Variants in RAB11FIP5 observed in about 807,000 individuals in gnomAD.
RAB11FIP5 encodes RAB11 family interacting protein 5, also known as rab11 family-interacting protein 5.
Under a neutral mutation model 85.1 loss-of-function variants are expected in RAB11FIP5, and 48 were observed. The observed-to-expected ratio is 0.56, with a 90% CI of 0.45 to 0.72. The LOEUF is 0.72. RAB11FIP5 is among the 30% of genes least tolerant of loss of function. The pLI is 0.00. For synonymous variants in RAB11FIP5, 729 were observed against 727.3 expected (o/e 1.00, Z -0.04); for missense variants, 1,491 against 1,687.0 (o/e 0.88, Z 2.04).
At chr2:73,100,708 G>T (rs1224438150) in intron 1 of RAB11FIP5, among the ~76,000 whole-genome samples, 1 of 152,088 alleles carries the variant, frequency 6.6e-6, no homozygotes, top group African/African-American at 2.4e-5. Context: ...TTACAGGTCT[G>T]AGCCACCATG....
At chr2:73,087,747 T>C (rs1684116462) in intron 3 of RAB11FIP5, among the ~76,000 whole-genome samples, 1 of 152,156 alleles carries the variant, frequency 6.6e-6, no homozygotes, top group Non-Finnish European at 1.5e-5. Context: ...ACAAATGGAC[T>C]TTCCTGCTTC....
In RAB11FIP5 at chr2:73,089,329, G is replaced by C. The variant is rs777084384; in HGVS notation, c.432-14C>G. On this transcript the variant is annotated splice_polypyrimidine_tract_variant and intron_variant, in intron 1 of 5. Transcript: ENST00000486777. This position sits in a 1 kb window ranked among gnomAD's most constrained non-coding sequence, Gnocchi z 4.6. ...AGCTTGTACCACCTGTGAGAAGAGG[G>C]GAGCAGGCAGAACTCAGTCACGGGC... 3.9e-5 allele frequency: 63 copies of C among 1,611,610 alleles called. No homozygotes were observed. The East Asian group carries it at 1.0e-3, about 26-fold the overall frequency.
chr2:73,080,137 T>C lies in RAB11FIP5; in HGVS notation c.3095A>G (p.Glu1032Gly). The change falls in exon 4 of 6, where the codon GAG (glutamate) becomes GGG (glycine). Residue 1032 changes from glutamate to glycine, a missense_variant. Around this residue, in one of 3 missense-constraint regions of RAB11FIP5, gnomAD observed 1,211 missense variants for 1,338.0 expected, o/e 0.91. Transcript: ENST00000486777. ...TCCTACTGGATCCTGGCCCTGGGCC[T>C]CAGGAGCCTCAGGGCCTTCTCCAAC... ...PEVGEGPEAP[E>G]AQGQDPVGEG... 1 of 1,232,098 alleles carries C rather than the reference T, an allele frequency of 8.1e-7. No homozygotes were observed. The highest frequency in any genetic ancestry group is 1.6e-5 in the African/African-American group (1 of 64,482). The allele number at this position is 1,232,098 out of a possible 1,614,324, so 76.3% of individuals were successfully genotyped here.
rs1683943386 is a variant in RAB11FIP5 at position 73,080,117 on chromosome 2, C to T, written c.3115G>A (p.Val1039Ile). 1.6e-6 allele frequency: 2 copies of T among 1,232,134 alleles called. No individual in the cohort carries two copies. The highest frequency in any genetic ancestry group is 4.1e-5 in the South Asian group (1 of 24,326). 76.3% of individuals were successfully genotyped at this position (1,232,134 alleles called of 1,614,324 possible). A position where few individuals can be genotyped will look rare whatever the true frequency, so the allele number is the denominator to read the frequency against. Residue 1039 changes from valine (V) to isoleucine (I), a missense_variant, in exon 4 of 6, where the codon GTA becomes ATA. By Grantham distance (29) the Val-to-Ile change is conservative (BLOSUM62 3). Transcript: ENST00000486777. ...EAPEAQGQDPVGEGLGSLSAT... is the reference protein window; with the variant it reads ...EAPEAQGQDPIGEGLGSLSAT... The stretch of plus-strand genomic sequence containing the variant: ...GACAAGGACCCAAGCCCCTCTCCTA[C>T]TGGATCCTGGCCCTGGGCCTCAGGA...
intron 1 of RAB11FIP5, among the ~76,000 whole-genome samples, chr2:73,105,513 G>T (rs1684507276): frequency 6.6e-6 from 1 of 151,972 alleles, no homozygotes; most frequent in Non-Finnish European, 1.5e-5. Flanking sequence ...AAAGTGCTGG[G>T]ATTACAGGCA....
chr2:73,087,630 G>A (rs754351488), intron 3 of RAB11FIP5, among the ~76,000 whole-genome samples: 1 of 152,192 alleles, frequency 6.6e-6, no homozygotes, highest in Non-Finnish European at 1.5e-5. Flanking sequence ...TCCAGAGAGG[G>A]GAAGGGAAGT....
intron 1 of RAB11FIP5, among the ~76,000 whole-genome samples, chr2:73,099,017 T>C (rs1684378454): frequency 6.6e-6 from 1 of 152,024 alleles, no homozygotes; most frequent in Admixed American, 6.6e-5. Context: ...TATGTTTCTT[T>C]AGTAAATGCT....
At position 73,075,530 on chromosome 2, in the gene RAB11FIP5, G is replaced by A. The variant is rs138778775; in HGVS notation, c.3966C>T (p.Pro1322=). Residue 1322 remains proline, a synonymous_variant, in exon 6 of 6, where the codon CCC becomes CCT. Coordinates refer to ENST00000486777, the MANE Select transcript of RAB11FIP5 (RefSeq NM_001371272.1). The surrounding 1 kb of genome is among the most constrained non-coding windows in gnomAD (Gnocchi z 4.6). ...SPTLLQIPPG[P]PK Reference sequence around the variant, plus strand: ...GGTAGGGTGAGGAAGGCTATTTGGGGGGGCCCGGGGGGATCTGCAGCAGCG... The same window carrying A: ...GGTAGGGTGAGGAAGGCTATTTGGGAGGGCCCGGGGGGATCTGCAGCAGCG... 176 of 1,614,036 alleles carry A rather than the reference G, an allele frequency of 1.1e-4. 1 individual carries two copies. The African/African-American group carries it at 2.2e-3, about 20-fold the overall frequency.
rs910064512 is a variant in RAB11FIP5, at chr2:73,081,340, G to A, written c.1892C>T (p.Ser631Leu). The A allele has an allele frequency of 2.5e-5, 31 of 1,232,730 alleles. No individual in the cohort carries two copies. Among genetic ancestry groups the A allele is most frequent in the Admixed American group, 4.2e-5 (1 of 23,716 alleles). The allele number at this position is 1,232,730 out of a possible 1,614,324, so 76.4% of individuals were successfully genotyped here. A position where few individuals can be genotyped will look rare whatever the true frequency, so the allele number is the denominator to read the frequency against. Reference sequence around the variant, plus strand: ...GGCCAGGGGGGTGGGGCTGGCCCTCGAGGCACTGGGGAGAGAGGGAGCAGG... The same window carrying A: ...GGCCAGGGGGGTGGGGCTGGCCCTCAAGGCACTGGGGAGAGAGGGAGCAGG... The part of the protein sequence containing the change: ...PSPAPSLPSA[S>L]RASPTPLASP... Residue 631 changes from serine (S) to leucine (L), a missense_variant, in exon 4 of 6, where the codon TCG (serine) becomes TTG (leucine). Physicochemically the swap from Ser to Leu is moderately radical, Grantham distance 145. Transcript: ENST00000486777. The surrounding 1 kb of genome is among the most constrained non-coding windows in gnomAD (Gnocchi z 4.2).
intron 3 of RAB11FIP5, among the ~76,000 whole-genome samples, chr2:73,085,075 T>C (rs1390404613): frequency 2.6e-5 from 4 of 152,214 alleles, no homozygotes; most frequent in African/African-American, 9.6e-5. Flanking sequence ...AGAGCATGGT[T>C]GTGAGGAGCA....
chr2:73,085,270 G>C (rs1684069806), intron 3 of RAB11FIP5, among the ~76,000 whole-genome samples: 1 of 152,192 alleles, frequency 6.6e-6, no homozygotes, highest in Admixed American at 6.5e-5. Context: ...GAGACTGCCA[G>C]AGGCCACCAT....
At chr2:73,094,492 C>T (rs1453202769) in intron 1 of RAB11FIP5, among the ~76,000 whole-genome samples, 1 of 152,202 alleles carries the variant, frequency 6.6e-6, no homozygotes, top group African/African-American at 2.4e-5. Flanking sequence ...GATTTATATA[C>T]AGATATAAAT....
At chr2:73,099,481 C>A (rs1307788423) in intron 1 of RAB11FIP5, among the ~76,000 whole-genome samples, 2 of 152,162 alleles carry the variant, frequency 1.3e-5, no homozygotes, top group African/African-American at 4.8e-5. Flanking sequence ...CCCCTCCCTG[C>A]CCGCTGCATG....
intron 1 of RAB11FIP5, among the ~76,000 whole-genome samples, chr2:73,111,167 C>A (rs1025514619): frequency 2.0e-5 from 3 of 152,116 alleles, no homozygotes; most frequent in African/African-American, 7.2e-5. Flanking sequence ...CCCTCCCCAT[C>A]CCAGACCACA....
At position 73,088,595 on chromosome 2, in the gene RAB11FIP5, G is replaced by T; in HGVS notation, c.1023C>A (p.Ser341Arg). ...ASRSSLCVNG[S>R]HIYNEEPQGP... ...CCTGGGGCTCCTCATTGTAAATGTG[G>T]CTCCCATTGACACAGAGCGAAGAGC... The change falls in exon 3 of 6, where the codon AGC becomes AGA. Residue 341 changes from serine (S) to arginine (R), a missense_variant. Physicochemically the swap from Ser to Arg is moderately radical, Grantham distance 110 (BLOSUM62 -1). Around this residue, in one of 3 missense-constraint regions of RAB11FIP5, gnomAD observed 1,211 missense variants for 1,338.0 expected, o/e 0.91. Transcript: ENST00000486777. 6.2e-7 allele frequency: 1 copy of T among 1,613,664 alleles called. No homozygotes were observed. Among genetic ancestry groups the T allele is most frequent in the Non-Finnish European group, 8.5e-7 (1 of 1,180,034 alleles).
At chr2:73,105,806 G>A (rs1179411170) in intron 1 of RAB11FIP5, among the ~76,000 whole-genome samples, 1 of 152,100 alleles carries the variant, frequency 6.6e-6, no homozygotes, top group African/African-American at 2.4e-5. Flanking sequence ...GGTCATGGAA[G>A]ACATGGGGGA....
At chr2:73,077,434 TC>T (rs1294323284) in intron 4 of RAB11FIP5, among the ~76,000 whole-genome samples, 2 of 152,058 alleles carry the variant, frequency 1.3e-5, no homozygotes, top group African/African-American at 4.8e-5. Context: ...CTAAATCAGC[TC>T]CTCCATCTCA....
intron 3 of RAB11FIP5, among the ~76,000 whole-genome samples, chr2:73,087,112 G>A (rs140824292): frequency 2.6e-5 from 4 of 152,290 alleles, no homozygotes; most frequent in African/African-American, 7.2e-5. Flanking sequence ...GCCATGGAGC[G>A]GGAAGGGCAG....
At chr2:73,107,273 G>A (rs1347518393) in intron 1 of RAB11FIP5, among the ~76,000 whole-genome samples, 4 of 152,262 alleles carry the variant, frequency 2.6e-5, no homozygotes, top group African/African-American at 7.2e-5. Context: ...TTCTGTTCTT[G>A]TATTCATCAT....
Sources: allele counts gnomAD v4.1 joint callset (sites outside exome capture counted in the v4.1 genomes callset), GRCh38; gene constraint gnomAD v4.1.1; regional missense constraint gnomAD v4.1.1; non-coding constraint Gnocchi (gnomAD v3.1); transcripts MANE v1.5; gene names NCBI Gene and HGNC (gene_info 2026-07-23, HGNC 2026-07-21).